Variants in CTNNA2 observed in about 807,000 individuals in gnomAD.
CTNNA2 encodes catenin alpha 2, also known as catenin alpha-2.
In CTNNA2, 42 loss-of-function variants were observed where a neutral mutation model predicts 101.0. The ratio of observed to expected loss-of-function variants is 0.42; its 90% CI spans 0.32 to 0.54. The LOEUF is 0.54. CTNNA2 is among the 20% of genes least tolerant of loss of function. CTNNA2 has a pLI of 0.14. For synonymous variants in CTNNA2, 450 were observed against 456.4 expected, an observed-to-expected ratio of 0.99 and a Z score of 0.18; for missense variants, 871 against 1,223.1, an observed-to-expected ratio of 0.71 and a Z score of 4.29.
chr2:79,324,517 A>G (rs575640218), intron 3 of CTNNA2, among the ~76,000 whole-genome samples: 1 of 152,316 alleles, frequency 6.6e-6, no homozygotes, highest in South Asian at 2.1e-4. Context: ...GTACTTCAAA[A>G]CAGGCTAGTA....
In CTNNA2 at chr2:79,266,795, C is replaced by T. The variant is rs556920593; in HGVS notation, c.-405-45914C>T. Among the ~76,000 whole-genome samples, 9 of 152,024 alleles carry T rather than the reference C, an allele frequency of 5.9e-5. No homozygotes were observed. In the South Asian group the frequency reaches 6.2e-4, roughly 11 times the overall value. On this transcript the variant is annotated intron_variant, in intron 2 of 21. Coordinates refer to the CTNNA2 transcript ENST00000466387. ...GAATACAAGCTTTCTGGGTGATGCT[C>T]GGTGCCCTCAGTGCTCCAGAGGAAG...
intron 7 of CTNNA2, among the ~76,000 whole-genome samples, chr2:80,345,617 C>CG (rs2149286794): frequency 6.6e-6 from 1 of 152,016 alleles, no homozygotes; most frequent in South Asian, 2.1e-4. Context: ...GCTATATCAT[C>CG]AGTGCCCGGA....
intron 7 of CTNNA2, among the ~76,000 whole-genome samples, chr2:80,138,910 C>T (rs1451962303): frequency 6.6e-6 from 1 of 152,130 alleles, no homozygotes; most frequent in Non-Finnish European, 1.5e-5. Context: ...GTGCCCCTCT[C>T]CCTTTTTTGC....
intron 17 of CTNNA2, among the ~76,000 whole-genome samples, chr2:80,617,582 A>G (rs547574982): frequency 1.3e-5 from 2 of 151,670 alleles, no homozygotes; most frequent in African/African-American, 2.4e-5. Flanking sequence ...TTTCTTTTCT[A>G]TTTACTTTAA....
At chr2:80,365,022 G>GGTTT (rs1674787752) in intron 7 of CTNNA2, among the ~76,000 whole-genome samples, 1 of 152,156 alleles carries the variant, frequency 6.6e-6, no homozygotes, top group East Asian at 1.9e-4. Context: ...TCATCTGTGG[G>GGTTT]GTTTGGCCTT....
intron 7 of CTNNA2, among the ~76,000 whole-genome samples, chr2:80,097,067 T>C: frequency 6.6e-6 from 1 of 152,228 alleles, no homozygotes; most frequent in Non-Finnish European, 1.5e-5. Flanking sequence ...AGCAGGTTAT[T>C]TTGCTCGTTA....
chr2:80,095,920 A>T (rs532861636), intron 7 of CTNNA2, among the ~76,000 whole-genome samples: 1 of 151,860 alleles, frequency 6.6e-6, no homozygotes, highest in Non-Finnish European at 1.5e-5. Flanking sequence ...CTTGCTAGCG[A>T]TCTATTAATT....
At chr2:79,783,672 C>T (rs1175342397) in intron 3 of CTNNA2, among the ~76,000 whole-genome samples, 2 of 152,102 alleles carry the variant, frequency 1.3e-5, no homozygotes, top group East Asian at 1.9e-4. Context: ...GACTTCCCTC[C>T]CTTCACTGTC....
At chr2:79,770,431 C>A (rs72912712) in intron 3 of CTNNA2, among the ~76,000 whole-genome samples, 21,066 of 152,046 alleles carry the variant, frequency 0.14, 1,508 homozygotes, top group Admixed American at 0.18. Flanking sequence ...TACAAAACTT[C>A]GGAGACACAT....
chr2:80,078,344 A>C (rs1698893833), intron 7 of CTNNA2, among the ~76,000 whole-genome samples: 1 of 152,124 alleles, frequency 6.6e-6, no homozygotes, highest in African/African-American at 2.4e-5. Flanking sequence ...GGACCAGTGA[A>C]GGTTCCTGGA....
chr2:79,295,350 A>G (rs1350257602), intron 2 of CTNNA2, among the ~76,000 whole-genome samples: 1 of 152,174 alleles, frequency 6.6e-6, no homozygotes, highest in Non-Finnish European at 1.5e-5. Context: ...ATGTGGCTGC[A>G]CTAGATTTCT....
At chr2:80,527,676 A>G (rs1190259324) in intron 9 of CTNNA2, among the ~76,000 whole-genome samples, 1 of 152,146 alleles carries the variant, frequency 6.6e-6, no homozygotes, top group Non-Finnish European at 1.5e-5. Flanking sequence ...ATTGGGAGAG[A>G]GAGGACATCT....
At chr2:79,861,077 G>A (rs72916694) in intron 4 of CTNNA2, among the ~76,000 whole-genome samples, 1 of 152,160 alleles carries the variant, frequency 6.6e-6, no homozygotes, top group African/African-American at 2.4e-5. Context: ...TTACCACCTG[G>A]ATGATAAAAC....
At chr2:80,364,976 A>T (rs1281402984) in intron 7 of CTNNA2, among the ~76,000 whole-genome samples, 2 of 152,112 alleles carry the variant, frequency 1.3e-5, no homozygotes, top group Non-Finnish European at 2.9e-5. Flanking sequence ...ATTTAGTGGC[A>T]TTGGCTAAAG....
chr2:79,906,138 G>A (rs551424583), intron 6 of CTNNA2, among the ~76,000 whole-genome samples: 23 of 152,034 alleles, frequency 1.5e-4, no homozygotes, highest in Middle Eastern at 3.4e-3. Context: ...ATACACACAC[G>A]TACACATACA....
upstream of CTNNA2, among the ~76,000 whole-genome samples, chr2:79,510,357 G>T (rs532959280): frequency 2.0e-5 from 3 of 152,118 alleles, no homozygotes; most frequent in South Asian, 6.2e-4. Flanking sequence ...AGAAATAAGG[G>T]TTTTAAAAAA....
chr2:80,312,524 T>C lies in CTNNA2; in HGVS notation c.1057-80687T>C, dbSNP rs149259565. Among the ~76,000 whole-genome samples the C allele has an allele frequency of 6.6e-3, 1,012 of 152,258 alleles. 7 individuals are homozygous for C. Among genetic ancestry groups the C allele is most frequent in the Middle Eastern group, 0.02 (6 of 294 alleles). ...CTACTGATTAGGACTAGTGGGAAAG[T>C]TGTTTACTGAAACTAGAAGCAAGTG... On this transcript the variant is annotated intron_variant, in intron 7 of 18. Transcript: ENST00000402739.
At chr2:80,633,741 A>T (rs1409578327) in intron 18 of CTNNA2, among the ~76,000 whole-genome samples, 1 of 152,182 alleles carries the variant, frequency 6.6e-6, no homozygotes, top group African/African-American at 2.4e-5. Flanking sequence ...TGTACATGTT[A>T]TGAAGATTAA....
At chr2:79,788,105 G>A (rs1407353117) in intron 3 of CTNNA2, among the ~76,000 whole-genome samples, 2 of 152,118 alleles carry the variant, frequency 1.3e-5, no homozygotes, top group Non-Finnish European at 2.9e-5. Flanking sequence ...CAAATAGTTT[G>A]AGAGCTTCTC....
Sources: allele counts gnomAD v4.1 joint callset (sites outside exome capture counted in the v4.1 genomes callset), GRCh38; gene constraint gnomAD v4.1.1; transcripts MANE v1.5; gene names NCBI Gene and HGNC (gene_info 2026-07-23, HGNC 2026-07-21).